Variants in KLHL7 observed in about 807,000 individuals in gnomAD.
The protein encoded by KLHL7 is kelch-like protein 7.
Under a neutral mutation model 67.4 loss-of-function variants are expected in KLHL7, and 44 were observed. The ratio of observed to expected loss-of-function variants is 0.65; its 90% CI spans 0.51 to 0.84. The LOEUF is 0.84. Among genes scored for constraint, KLHL7 ranks in the 40% least tolerant of loss-of-function variants. KLHL7 has a pLI of 0.00. For synonymous variants in KLHL7, 252 were observed against 243.3 expected (o/e 1.04, Z -0.33); for missense variants, 362 against 718.1 (o/e 0.50, Z 5.67).
rs528902091 is a variant in KLHL7, at chr7:23,158,163, C to T, written c.936+5954C>T. 3.5e-4 allele frequency among the ~76,000 whole-genome samples: 53 copies of T among 152,232 alleles called. 1 individual carries two copies. The highest frequency in any genetic ancestry group is 1.2e-3 in the African/African-American group (51 of 41,520). On this transcript the variant is annotated intron_variant, in intron 7 of 10. Coordinates refer to ENST00000339077, the MANE Select transcript of KLHL7 (RefSeq NM_001031710.3). The stretch of plus-strand genomic sequence containing the variant: ...TCATTTTTTGTAGCAACAGGGGTCT[C>T]TCTGTGTTGCCAGGGCTGGTCTTGA...
Position 23,174,183 on chromosome 7 carries a change from A to G in KLHL7, c.1646A>G (p.Asn549Ser). The G allele has an allele frequency of 6.2e-7, 1 of 1,614,180 alleles. No individual in the cohort carries two copies. Among genetic ancestry groups the G allele is most frequent in the Non-Finnish European group, 8.5e-7 (1 of 1,180,014 alleles). The change falls in exon 11 of 11, where the codon AAT becomes AGT. Residue 549 changes from asparagine to serine, a missense_variant. This residue lies in a region of KLHL7 where 136 missense variants were observed against 252.7 expected (regional missense o/e 0.54). Transcript: ENST00000339077. ...CGATTAGGACACATTCTCGAATATA[A>G]TACCGAAACAGACAAATGGGTTGCC... is the stretch of plus-strand genomic sequence containing the variant. ...VGRLGHILEY[N>S]TETDKWVANS...
intron 4 of KLHL7, 85 bp downstream of exon 4, chr7:23,125,257 G>C: frequency 7.2e-7 from 1 of 1,394,598 alleles, no homozygotes. Context: ...CTGATTTTAA[G>C]TATCCGCATT....
In KLHL7 at chr7:23,177,671, ATTTT is replaced by A. The variant is rs1785320281; in HGVS notation, c.*3374_*3377del. On this transcript the variant is annotated 3_prime_UTR_variant, in exon 11 of 11. Coordinates refer to ENST00000339077, the MANE Select transcript of KLHL7 (RefSeq NM_001031710.3). ...ATGTTATATCCTTTGCAATGATATT[ATTTT>A]GATGACAAAGTAAGTTTATGCTTTC... is the stretch of plus-strand genomic sequence containing the variant. 1 of 152,198 alleles carries A rather than the reference ATTTT, an allele frequency of 6.6e-6. No homozygotes were observed. The highest frequency in any genetic ancestry group is 2.4e-5 in the African/African-American group (1 of 41,450). The allele number at this position is 152,198 out of a possible 1,614,324, so 9.4% of individuals were successfully genotyped here.
chr7:23,159,854 A>G (rs1784811327), intron 7 of KLHL7, among the ~76,000 whole-genome samples: 1 of 152,178 alleles, frequency 6.6e-6, no homozygotes, highest in Non-Finnish European at 1.5e-5. Flanking sequence ...TTTCTGGTCT[A>G]AAGCCAAAAA....
intron 4 of KLHL7, 176 bp from the exon 5 acceptor site, chr7:23,140,593 T>C: frequency 1.5e-6 from 1 of 676,812 alleles, no homozygotes; most frequent in South Asian, 1.7e-5. Flanking sequence ...AAAAAACCAG[T>C]CTTTTATAAG....
chr7:23,118,057 G>A (rs1783171889), intron 1 of KLHL7: 1 of 1,452,152 alleles, frequency 6.9e-7, no homozygotes, highest in African/African-American at 1.4e-5. Context: ...CAGCACATGT[G>A]ATTAAAAGCT....
chr7:23,170,923 T>G (rs968752222), intron 9 of KLHL7, among the ~76,000 whole-genome samples: 130 of 151,424 alleles, frequency 8.6e-4, no homozygotes, highest in African/African-American at 3.1e-3. Flanking sequence ...TTTTTTTTTT[T>G]TGTGAGACGG....
At chr7:23,159,049 C>T (rs1315450376) in intron 7 of KLHL7, among the ~76,000 whole-genome samples, 1 of 152,080 alleles carries the variant, frequency 6.6e-6, no homozygotes, top group African/African-American at 2.4e-5. Context: ...TCATAAAAGC[C>T]CCCAAAAGTA....
At position 23,140,768 on chromosome 7, in the gene KLHL7, G is replaced by A; in HGVS notation, c.443-1G>A. 1.2e-6 allele frequency: 2 copies of A among 1,612,658 alleles called. No homozygotes were observed. Among genetic ancestry groups the A allele is most frequent in the Non-Finnish European group, 1.7e-6 (2 of 1,179,024 alleles). On this transcript the variant is annotated splice_acceptor_variant, in intron 4 of 10. Coordinates refer to ENST00000339077, the MANE Select transcript of KLHL7 (RefSeq NM_001031710.3). LOFTEE classifies it high-confidence loss of function. ...TTCTTTTATTTTCTTTCTGTGTTTA[G>A]GTATAAGTGTGCTAGCGGAGTGTCT...
intron 1 of KLHL7, chr7:23,117,837 T>C: frequency 6.2e-7 from 1 of 1,609,304 alleles, no homozygotes; most frequent in Non-Finnish European, 8.5e-7. Context: ...TTTTCAGTGA[T>C]TTAAATCTAC....
At chr7:23,148,758 A>G (rs1245956807) in intron 6 of KLHL7, among the ~76,000 whole-genome samples, 1 of 152,274 alleles carries the variant, frequency 6.6e-6, no homozygotes. Context: ...GAAACAGGAT[A>G]GCAGTATTAT....
intron 6 of KLHL7, among the ~76,000 whole-genome samples, chr7:23,146,134 G>A (rs1349903790): frequency 6.6e-6 from 1 of 152,182 alleles, no homozygotes; most frequent in African/African-American, 2.4e-5. Context: ...TCCTACAGTG[G>A]TACAGGTACA....
chr7:23,125,233 A>G (rs1562560059), intron 4 of KLHL7, 61 bp downstream of exon 4: 1 of 1,562,072 alleles, frequency 6.4e-7, no homozygotes, highest in Non-Finnish European at 8.8e-7. Context: ...TTCTAATTTA[A>G]TTTTTTAAAA....
At chr7:23,167,689 C>T (rs1785042290) in intron 8 of KLHL7, 147 bp from the exon 9 acceptor site, 1 of 695,222 alleles carries the variant, frequency 1.4e-6, no homozygotes, top group Non-Finnish European at 2.5e-6. Context: ...TTAAACTATT[C>T]CTACACTTTG....
At chr7:23,162,356 T>C (rs1562589010) in intron 7 of KLHL7, among the ~76,000 whole-genome samples, 1 of 152,180 alleles carries the variant, frequency 6.6e-6, no homozygotes, top group Admixed American at 6.5e-5. Context: ...TTAAAATATC[T>C]CAGCATAGTT....
chr7:23,146,818 C>A (rs1296886239), intron 6 of KLHL7, among the ~76,000 whole-genome samples: 4 of 151,966 alleles, frequency 2.6e-5, no homozygotes, highest in African/African-American at 9.7e-5. Flanking sequence ...AACTAAATTT[C>A]CATATATCTA....
intron 4 of KLHL7, among the ~76,000 whole-genome samples, chr7:23,138,295 C>T (rs1029400935): frequency 1.3e-5 from 2 of 151,426 alleles, no homozygotes; most frequent in South Asian, 4.2e-4. Context: ...AACCCCGTCT[C>T]TACTAAAAAT....
intron 4 of KLHL7, among the ~76,000 whole-genome samples, chr7:23,140,492 G>A (rs1183163712): frequency 6.6e-6 from 1 of 152,220 alleles, no homozygotes; most frequent in Non-Finnish European, 1.5e-5. Flanking sequence ...GGGAGGCGGA[G>A]CTTGCAGTGA....
At chr7:23,107,919 C>T (rs1240743735) in intron 1 of KLHL7, among the ~76,000 whole-genome samples, 1 of 152,108 alleles carries the variant, frequency 6.6e-6, no homozygotes, top group East Asian at 1.9e-4. Context: ...TTGTATTGTC[C>T]TGTTTAACAT....
Sources: allele counts gnomAD v4.1 joint callset (sites outside exome capture counted in the v4.1 genomes callset), GRCh38; gene constraint gnomAD v4.1.1; regional missense constraint gnomAD v4.1.1; transcripts MANE v1.5; gene names NCBI Gene and HGNC (gene_info 2026-07-23, HGNC 2026-07-21).